The following SH3D19 variants were observed in gnomAD, a reference collection of about 807,000 sequenced individuals.
The protein encoded by SH3D19 is SH3 domain-containing protein 19.
Under a neutral mutation model 112.1 loss-of-function variants are expected in SH3D19, and 58 were observed. That is an observed-to-expected ratio of 0.52 (90% CI 0.42 to 0.64). SH3D19 has a LOEUF of 0.64. SH3D19 is among the 30% of genes least tolerant of loss of function. SH3D19 has a pLI of 0.00. For synonymous variants in SH3D19, 391 were observed against 448.5 expected (o/e 0.87, Z 1.62); for missense variants, 1,090 against 1,263.4 (o/e 0.86, Z 2.08).
intron 1 of SH3D19, among the ~76,000 whole-genome samples, chr4:151,301,214 G>A (rs61570949): frequency 0.12 from 17,645 of 152,140 alleles, 1,505 homozygotes; most frequent in African/African-American, 0.23. Context: ...CAGAGTTCTC[G>A]TGAGATCTGC....
At chr4:151,273,655 G>C (rs185790410) in intron 1 of SH3D19, among the ~76,000 whole-genome samples, 15 of 150,310 alleles carry the variant, frequency 1.0e-4, no homozygotes, top group African/African-American at 3.2e-4. Context: ...TCCTCAGAGG[G>C]AAAGGACTCT....
At chr4:151,143,711 C>G (rs1231232921) in intron 12 of SH3D19, among the ~76,000 whole-genome samples, 199 bp downstream of exon 12, 1 of 151,824 alleles carries the variant, frequency 6.6e-6, no homozygotes, top group Non-Finnish European at 1.5e-5. Context: ...GGTAGTCACT[C>G]TGTATCGAAG....
intron 1 of SH3D19, among the ~76,000 whole-genome samples, chr4:151,303,985 A>ATT (rs112471104): frequency 2.3e-4 from 33 of 143,848 alleles, no homozygotes; most frequent in Admixed American, 2.8e-4. Flanking sequence ...ATAAAAGCAG[A>ATT]TTTTTTTTTT....
intron 11 of SH3D19, 27 bp from the exon 12 acceptor site, chr4:151,144,077 A>G: frequency 6.3e-7 from 1 of 1,595,266 alleles, no homozygotes; most frequent in Non-Finnish European, 8.5e-7. Flanking sequence ...CACTCTCTGA[A>G]GCAATTATTA....
chr4:151,237,727 A>C (rs1350419362), intron 1 of SH3D19, among the ~76,000 whole-genome samples: 3 of 152,228 alleles, frequency 2.0e-5, no homozygotes, highest in Non-Finnish European at 2.9e-5. Context: ...ATCTACTATT[A>C]TGATAATAGT....
chr4:151,174,719 G>A lies in SH3D19; in HGVS notation c.1485C>T (p.Thr495=), dbSNP rs769652663. The A allele has an allele frequency of 2.0e-6, 3 of 1,514,142 alleles. No homozygotes were observed. The highest frequency in any genetic ancestry group is 4.6e-5 in the Admixed American group (2 of 43,682). The allele number at this position is 1,514,142 out of a possible 1,614,324, so 93.8% of individuals were successfully genotyped here. The part of the protein sequence containing the change: ...LISFDDDVLP[T]PSGNLAEESV... ...ATTCTTCAGCCAGGTTCCCCGATGG[G>A]GTGGGCAAAACATCATCATCAAAGC... Residue 495 remains threonine, a synonymous_variant, in exon 7 of 20, where the codon ACC becomes ACT. Coordinates refer to ENST00000604030, the MANE Select transcript of SH3D19 (RefSeq NM_001378122.1).
rs1004928321 is a variant in SH3D19 at position 151,176,504 on chromosome 4, G to A, written c.529+30C>T. On this transcript the variant is annotated intron_variant, in intron 6 of 19. Coordinates refer to ENST00000604030, the MANE Select transcript of SH3D19 (RefSeq NM_001378122.1). ...GGATTACTTCCCTAGAACTAGGTCA[G>A]AATTAGGGAAGACAAATTACTTGCA... is the stretch of plus-strand genomic sequence containing the variant. The A allele has an allele frequency of 1.6e-5, 20 of 1,231,748 alleles. No homozygotes were observed. In the African/African-American group the frequency reaches 2.8e-4, roughly 17 times the overall value. 76.3% of individuals were successfully genotyped at this position (1,231,748 alleles called of 1,614,324 possible). A position where few individuals can be genotyped will look rare whatever the true frequency, so the allele number is the denominator to read the frequency against.
chr4:151,257,580 TTA>T (rs754462290), intron 1 of SH3D19, among the ~76,000 whole-genome samples: 2 of 152,166 alleles, frequency 1.3e-5, no homozygotes, highest in Non-Finnish European at 2.9e-5. Context: ...ATCATCATTA[TTA>T]TGTTATTAAT....
intron 1 of SH3D19, among the ~76,000 whole-genome samples, chr4:151,272,416 T>C (rs1263862777): frequency 1.3e-5 from 2 of 152,184 alleles, no homozygotes; most frequent in Admixed American, 6.5e-5. Context: ...CATTTTAGCT[T>C]AGATTTAGAA....
At chr4:151,128,591 C>T (rs76967763) in intron 17 of SH3D19, among the ~76,000 whole-genome samples, 8,509 of 152,136 alleles carry the variant, frequency 0.056, 373 homozygotes, top group East Asian at 0.19. Flanking sequence ...GAATTTGTGG[C>T]TTTTCTGCTT....
chr4:151,209,416 C>T (rs1340685233), intron 2 of SH3D19, among the ~76,000 whole-genome samples: 2 of 151,946 alleles, frequency 1.3e-5, no homozygotes, highest in Non-Finnish European at 2.9e-5. Flanking sequence ...GTAGCTGGGA[C>T]TACAGGTGCT....
intron 1 of SH3D19, chr4:151,261,421 C>T (rs1452212457): frequency 6.6e-6 from 1 of 152,258 alleles, no homozygotes; most frequent in Non-Finnish European, 1.5e-5. Flanking sequence ...GTAGAACTGC[C>T]CTCCCCAGTT....
In SH3D19 at chr4:151,149,508, C is replaced by T. The variant is rs772115179; in HGVS notation, c.1809G>A (p.Leu603=). The change falls in exon 10 of 20, where the codon TTG becomes TTA. Residue 603 remains leucine, a synonymous_variant. Coordinates refer to ENST00000604030, the MANE Select transcript of SH3D19 (RefSeq NM_001378122.1). ...TTCCCACATTTACTTACCTCGGTGG[C>T]AACCTTGGGGGTACTCGCACAAAAC... ...TGGFVRVPPR[L]PPRPVNGKTI... is the part of the protein sequence containing the mutation. 2 of 1,609,762 alleles carry T rather than the reference C, an allele frequency of 1.2e-6. No homozygotes were observed. The highest frequency in any genetic ancestry group is 1.1e-5 in the South Asian group (1 of 90,112).
chr4:151,183,756 AACTT>A (rs1761304483), intron 3 of SH3D19, among the ~76,000 whole-genome samples: 1 of 152,212 alleles, frequency 6.6e-6, no homozygotes, highest in South Asian at 2.1e-4. Flanking sequence ...TAATATAAGA[AACTT>A]ACTGACTACA....
intron 10 of SH3D19, among the ~76,000 whole-genome samples, 199 bp from the exon 11 acceptor site, chr4:151,148,385 T>A (rs1370606112): frequency 2.0e-5 from 3 of 152,142 alleles, no homozygotes; most frequent in Non-Finnish European, 4.4e-5. Context: ...ATTACATTAT[T>A]AGAGGAAATG....
chr4:151,318,127 C>T (rs1730173929), intron 1 of SH3D19, among the ~76,000 whole-genome samples: 1 of 151,086 alleles, frequency 6.6e-6, no homozygotes. Context: ...GAAACCCTGT[C>T]TCTAATAAAA....
chr4:151,229,004 C>T (rs1256261163), intron 1 of SH3D19, among the ~76,000 whole-genome samples: 1 of 151,458 alleles, frequency 6.6e-6, no homozygotes, highest in South Asian at 2.1e-4. Flanking sequence ...GTTAGGATTA[C>T]AGGCACATGC....
chr4:151,240,387 A>C (rs1039409453), intron 1 of SH3D19, among the ~76,000 whole-genome samples: 1 of 151,724 alleles, frequency 6.6e-6, no homozygotes, highest in Non-Finnish European at 1.5e-5. Flanking sequence ...CTCCAGCCTG[A>C]GCGACAAAGC....
Position 151,143,994 on chromosome 4 carries a change from T to C in SH3D19, c.2139A>G (p.Gln713=). The change falls in exon 12 of 20, where the codon CAA becomes CAG. Residue 713 remains glutamine, a synonymous_variant. Transcript: ENST00000604030. ...GAACTCTGCCAGTGTCTTCTCCCTT[T>C]TGGCACTCCAAGTAATTATTTTCCG... ...KQTENNYLEC[Q]KGEDTGRVHL... 1 of 1,614,164 alleles carries C rather than the reference T, an allele frequency of 6.2e-7. No homozygotes were observed. The highest frequency in any genetic ancestry group is 8.5e-7 in the Non-Finnish European group (1 of 1,180,010).
Sources: gnomAD v4.1 joint callset for allele counts (sites outside exome capture counted in the v4.1 genomes callset) on GRCh38, gnomAD v4.1.1 for gene constraint, MANE v1.5 for transcripts, NCBI Gene and HGNC (gene_info 2026-07-23, HGNC 2026-07-21) for gene names.